Variants in ADARB2 observed in about 807,000 individuals in gnomAD.
ADARB2 encodes the protein inactive double-stranded RNA-specific editase B2.
Under a neutral mutation model 62.2 loss-of-function variants are expected in ADARB2, and 25 were observed. That is an observed-to-expected ratio of 0.40 (90% CI 0.29 to 0.56). The LOEUF (loss-of-function observed/expected upper bound fraction) is 0.56, where lower values mean the gene tolerates loss of function less well. Among genes scored for constraint, ADARB2 ranks in the 20% least tolerant of loss-of-function variants. ADARB2 has a pLI of 0.43. For synonymous variants in ADARB2, 572 were observed against 500.8 expected (o/e 1.14, Z -1.90); for missense variants, 1,071 against 1,077.4 (o/e 0.99, Z 0.08).
chr10:1,667,780 T>A (rs1834332580), intron 1 of ADARB2, among the ~76,000 whole-genome samples: 1 of 152,246 alleles, frequency 6.6e-6, no homozygotes, highest in African/African-American at 2.4e-5. Flanking sequence ...GATTTCTGAA[T>A]GCAGTGGTAA....
Position 1,341,292 on chromosome 10 carries a change from C to T in ADARB2, c.1077+21736G>A, listed in dbSNP as rs552942863. On this transcript the variant is annotated intron_variant, in intron 3 of 9. Coordinates refer to ENST00000381312, the MANE Select transcript of ADARB2 (RefSeq NM_018702.4). ...CACAGCGGCAATAACCAGCATCCAC[C>T]AGAGAACCACGTGCCCCACAGTGGC... is the stretch of plus-strand genomic sequence containing the variant. Among the ~76,000 whole-genome samples, 3 of 150,944 alleles carry T rather than the reference C, an allele frequency of 2.0e-5. No homozygotes were observed. In the East Asian group the frequency reaches 5.9e-4, roughly 30 times the overall value.
At chr10:1,410,174 G>A (rs1272782075) in intron 1 of ADARB2, among the ~76,000 whole-genome samples, 1 of 147,786 alleles carries the variant, frequency 6.8e-6, no homozygotes, top group Non-Finnish European at 1.5e-5. Context: ...ATGGTGCCGA[G>A]GCCTGGTCGT....
intron 1 of ADARB2, among the ~76,000 whole-genome samples, chr10:1,475,940 C>T (rs960262705): frequency 1.3e-5 from 2 of 152,084 alleles, no homozygotes; most frequent in South Asian, 2.1e-4. Context: ...TTTGTTTCAC[C>T]GAGTCTAGAT....
rs537399793 is a variant in ADARB2, at chr10:1,178,841, G to A, written c.*4352C>T. Reference sequence around the variant, plus strand: ...CCCTGAGGGCCGCGGGAAGCCCACAGAGCCTCACCGGGTTCTGTTGGGTGT... The same window carrying A: ...CCCTGAGGGCCGCGGGAAGCCCACAAAGCCTCACCGGGTTCTGTTGGGTGT... On this transcript the variant is annotated 3_prime_UTR_variant, in exon 10 of 10. Coordinates refer to ENST00000381312, the MANE Select transcript of ADARB2 (RefSeq NM_018702.4). The A allele has an allele frequency of 1.3e-5, 2 of 152,316 alleles. No individual in the cohort carries two copies. Among genetic ancestry groups the A allele is most frequent in the South Asian group, 4.1e-4 (2 of 4,820 alleles). The allele number at this position is 152,316 out of a possible 1,614,324, so 9.4% of individuals were successfully genotyped here.
intron 6 of ADARB2, among the ~76,000 whole-genome samples, chr10:1,232,253 G>C (rs1299260715): frequency 1.3e-5 from 2 of 152,132 alleles, no homozygotes; most frequent in African/African-American, 4.8e-5. Flanking sequence ...GCCTGGAGCT[G>C]CTTCTGGAAA....
At chr10:1,295,834 C>T (rs887233698) in intron 3 of ADARB2, among the ~76,000 whole-genome samples, 2 of 152,276 alleles carry the variant, frequency 1.3e-5, no homozygotes, top group African/African-American at 4.8e-5. Flanking sequence ...TTCTTTAAGA[C>T]CCTGTTGATT....
rs1473705660 is a variant in ADARB2, at chr10:1,458,352, G to C, written c.101-79192C>G. On this transcript the variant is annotated intron_variant, in intron 1 of 9. Coordinates refer to ENST00000381312, the MANE Select transcript of ADARB2 (RefSeq NM_018702.4). ...GAGAAGAAGGAAAGGTCCCACTTGA[G>C]AGTGAAAACTTGGGGTCTCACAGCT... Among the ~76,000 whole-genome samples, 46 of 129,842 alleles carry C rather than the reference G, an allele frequency of 3.5e-4. 1 individual carries two copies. In the Admixed American group the frequency reaches 3.9e-3, roughly 11 times the overall value. The allele number at this position is 129,842 out of a possible 152,430, so 85.2% of individuals were successfully genotyped here.
chr10:1,344,994 C>T (rs1214390748), intron 3 of ADARB2, among the ~76,000 whole-genome samples: 2 of 152,206 alleles, frequency 1.3e-5, no homozygotes, highest in African/African-American at 4.8e-5. Flanking sequence ...AGGCAGGTGG[C>T]CCCCTCAGGG....
At chr10:1,496,562 T>C (rs2131935376) in intron 1 of ADARB2, among the ~76,000 whole-genome samples, 1 of 152,258 alleles carries the variant, frequency 6.6e-6, no homozygotes, top group Non-Finnish European at 1.5e-5. Flanking sequence ...ATAGTCATCA[T>C]CATAACCATC....
chr10:1,613,861 G>A (rs922011114), intron 1 of ADARB2, among the ~76,000 whole-genome samples: 3 of 152,314 alleles, frequency 2.0e-5, no homozygotes, highest in Admixed American at 1.3e-4. Flanking sequence ...CGGGAAGCAC[G>A]GGGAAATTCA....
At chr10:1,247,688 G>T (rs560394735) in intron 4 of ADARB2, among the ~76,000 whole-genome samples, 1 of 152,142 alleles carries the variant, frequency 6.6e-6, no homozygotes, top group Non-Finnish European at 1.5e-5. Flanking sequence ...AAACAGAAAC[G>T]GCACCAACCA....
In ADARB2 at chr10:1,227,133, G is replaced by A. The variant is rs374551882; in HGVS notation, c.1513+6561C>T. Among the ~76,000 whole-genome samples, 19 of 152,340 alleles carry A rather than the reference G, an allele frequency of 1.2e-4. No individual in the cohort carries two copies. The East Asian group carries it at 1.9e-3, about 15-fold the overall frequency. On this transcript the variant is annotated intron_variant, in intron 6 of 9. Coordinates refer to ENST00000381312, the MANE Select transcript of ADARB2 (RefSeq NM_018702.4). ...CGGGCGCCCCTCCCCCAGCCTCACT[G>A]CCGCCTTGCAGTTTGATCTGGACTG...
At chr10:1,345,796 G>A (rs1454193925) in intron 3 of ADARB2, among the ~76,000 whole-genome samples, 4 of 152,196 alleles carry the variant, frequency 2.6e-5, no homozygotes, top group Non-Finnish European at 4.4e-5. Context: ...TTGAAATCCA[G>A]AACAACTTTG....
chr10:1,576,152 G>GGGAGGGGGCTCAGA (rs1833017784), intron 1 of ADARB2, among the ~76,000 whole-genome samples: 1 of 127,570 alleles, frequency 7.8e-6, no homozygotes, highest in African/African-American at 2.9e-5. Context: ...GGGGGTCCAC[G>GGGAGGGGGCTCAGA]GTCACAGGAG....
intron 1 of ADARB2, among the ~76,000 whole-genome samples, chr10:1,451,085 C>A (rs1052104751): frequency 2.2e-4 from 34 of 152,366 alleles, no homozygotes; most frequent in African/African-American, 8.2e-4. Context: ...GTCCTCATAG[C>A]CTGGGGACTC....
At chr10:1,215,255 C>A (rs1011625898) in intron 7 of ADARB2, among the ~76,000 whole-genome samples, 2 of 152,226 alleles carry the variant, frequency 1.3e-5, no homozygotes, top group Non-Finnish European at 2.9e-5. Flanking sequence ...CAGGCACTGC[C>A]TGCCCCATGG....
intron 6 of ADARB2, among the ~76,000 whole-genome samples, chr10:1,225,003 T>G (rs1318909065): frequency 7.2e-5 from 11 of 152,188 alleles, no homozygotes; most frequent in South Asian, 2.1e-4. Flanking sequence ...TCTGTCTAAT[T>G]TTGACAGTGG....
intron 1 of ADARB2, among the ~76,000 whole-genome samples, chr10:1,383,635 A>T (rs1210675204): frequency 6.6e-6 from 1 of 152,244 alleles, no homozygotes; most frequent in Non-Finnish European, 1.5e-5. Context: ...ATAACTGCAC[A>T]TACTGAGGAT....
chr10:1,288,098 A>G (rs1282480951), intron 3 of ADARB2, among the ~76,000 whole-genome samples: 1 of 152,236 alleles, frequency 6.6e-6, no homozygotes, highest in Non-Finnish European at 1.5e-5. Context: ...GGGAAGCCTG[A>G]AAGGAGCTGA....
Sources: gnomAD v4.1 joint callset for allele counts (sites outside exome capture counted in the v4.1 genomes callset) on GRCh38, gnomAD v4.1.1 for gene constraint, MANE v1.5 for transcripts, NCBI Gene and HGNC (gene_info 2026-07-23, HGNC 2026-07-21) for gene names.